Variants in NLGN1 observed in about 807,000 individuals in gnomAD.
NLGN1 encodes the protein neuroligin-1.
NLGN1 carries 12 observed loss-of-function variants against 65.5 expected under a neutral mutation model. That is an observed-to-expected ratio of 0.18 (90% CI 0.12 to 0.30). The LOEUF is 0.30. Among genes scored for constraint, NLGN1 ranks in the 10% least tolerant of loss-of-function variants. The pLI, the probability that NLGN1 is intolerant of heterozygous loss-of-function variation, is 1.00. For missense variants in NLGN1, 750 were observed against 1,007.1 expected, an observed-to-expected ratio of 0.74 and a Z score of 3.46; for synonymous variants, 350 against 359.5, an observed-to-expected ratio of 0.97 and a Z score of 0.30.
At chr3:173,662,774 A>G (rs1003533197) in intron 3 of NLGN1, among the ~76,000 whole-genome samples, 4 of 151,996 alleles carry the variant, frequency 2.6e-5, no homozygotes, top group Non-Finnish European at 5.9e-5. Flanking sequence ...TGCTACTGGT[A>G]TCTCTATTAC....
intron 3 of NLGN1, among the ~76,000 whole-genome samples, chr3:173,640,855 G>A (rs1577685180): frequency 1.3e-5 from 2 of 152,142 alleles, no homozygotes; most frequent in East Asian, 1.9e-4. Context: ...TAAACACTTT[G>A]GCAAGAATAT....
intron 4 of NLGN1, among the ~76,000 whole-genome samples, chr3:173,883,310 G>A (rs570614488): frequency 3.3e-5 from 5 of 152,310 alleles, no homozygotes; most frequent in African/African-American, 1.2e-4. Context: ...GGAATGGCCA[G>A]TCGGTGGAAC....
chr3:173,500,991 C>T (rs1176973097), intron 2 of NLGN1, among the ~76,000 whole-genome samples: 6 of 152,156 alleles, frequency 3.9e-5, no homozygotes, highest in Admixed American at 3.3e-4. Flanking sequence ...AAAATAGCTA[C>T]TGGGTTTTTA....
intron 4 of NLGN1, among the ~76,000 whole-genome samples, chr3:173,824,990 A>G (rs1721052662): frequency 6.6e-6 from 1 of 152,138 alleles, no homozygotes; most frequent in South Asian, 2.1e-4. Flanking sequence ...TGAGTATATA[A>G]AAATGATATC....
At chr3:173,532,586 C>G (rs1469612832) in intron 2 of NLGN1, among the ~76,000 whole-genome samples, 1 of 152,136 alleles carries the variant, frequency 6.6e-6, no homozygotes, top group Non-Finnish European at 1.5e-5. Context: ...TATAAATTGT[C>G]TGTTTCATCA....
At chr3:173,569,563 A>T (rs1472679480) in intron 2 of NLGN1, among the ~76,000 whole-genome samples, 1 of 150,106 alleles carries the variant, frequency 6.7e-6, no homozygotes, top group Non-Finnish European at 1.5e-5. Flanking sequence ...TTTTCTGAAA[A>T]TATCTGTTTT....
chr3:173,974,145 A>G (rs1271716113), intron 4 of NLGN1, among the ~76,000 whole-genome samples: 3 of 151,840 alleles, frequency 2.0e-5, no homozygotes, highest in Admixed American at 2.0e-4. Flanking sequence ...TAAAAGTCTC[A>G]TTGTGCATTT....
chr3:173,646,413 T>C (rs910579434), intron 3 of NLGN1, among the ~76,000 whole-genome samples: 1 of 152,232 alleles, frequency 6.6e-6, no homozygotes, highest in African/African-American at 2.4e-5. Flanking sequence ...GAATGTGCAT[T>C]GGTTATAGTC....
intron 2 of NLGN1, among the ~76,000 whole-genome samples, chr3:173,503,025 G>C (rs1731409856): frequency 6.6e-6 from 1 of 151,756 alleles, no homozygotes; most frequent in South Asian, 2.1e-4. Context: ...CTTATTCATA[G>C]TATCTTCTTT....
intron 4 of NLGN1, among the ~76,000 whole-genome samples, chr3:174,150,349 A>C (rs535541113): frequency 6.6e-6 from 1 of 152,252 alleles, no homozygotes; most frequent in African/African-American, 2.4e-5. Context: ...GGGTTTCTCA[A>C]CTTCAGCATT....
chr3:173,813,001 T>C (rs1433700573), intron 4 of NLGN1, among the ~76,000 whole-genome samples: 1 of 151,318 alleles, frequency 6.6e-6, no homozygotes, highest in Non-Finnish European at 1.5e-5. Context: ...TATTGATTTA[T>C]TAATTGATCT....
At chr3:173,730,450 C>CA (rs2150052265) in intron 3 of NLGN1, among the ~76,000 whole-genome samples, 1 of 151,592 alleles carries the variant, frequency 6.6e-6, no homozygotes, top group African/African-American at 2.4e-5. Context: ...ATTTTATTTC[C>CA]AAAATATTAT....
intron 3 of NLGN1, among the ~76,000 whole-genome samples, chr3:173,651,903 C>T (rs781382688): frequency 1.4e-4 from 21 of 152,080 alleles, no homozygotes; most frequent in Non-Finnish European, 2.9e-4. Context: ...AGCGATTCTC[C>T]TGCCTCAGCT....
At chr3:173,556,553 GC>G (rs1189017918) in intron 2 of NLGN1, among the ~76,000 whole-genome samples, 1 of 152,062 alleles carries the variant, frequency 6.6e-6, no homozygotes, top group Non-Finnish European at 1.5e-5. Flanking sequence ...AGTGACTTAT[GC>G]CTGTAATCAC....
intron 4 of NLGN1, among the ~76,000 whole-genome samples, chr3:174,216,726 G>C (rs1737686441): frequency 3.3e-5 from 5 of 152,022 alleles, no homozygotes; most frequent in Admixed American, 2.6e-4. Flanking sequence ...TAGATGTCAG[G>C]TTGTAATGCT....
At chr3:173,570,680 C>A (rs116674010) in intron 2 of NLGN1, among the ~76,000 whole-genome samples, 3,598 of 152,124 alleles carry the variant, frequency 0.024, 57 homozygotes, top group Middle Eastern at 0.048. Context: ...TTTGTTTTCG[C>A]CTGAATTATT....
At chr3:173,939,728 C>T (rs1037974750) in intron 4 of NLGN1, among the ~76,000 whole-genome samples, 3 of 152,102 alleles carry the variant, frequency 2.0e-5, no homozygotes, top group Non-Finnish European at 4.4e-5. Context: ...GAATTCAATG[C>T]TTGTTTTGCT....
intron 2 of NLGN1, among the ~76,000 whole-genome samples, chr3:173,534,965 T>A (rs2149197989): frequency 6.6e-6 from 1 of 152,348 alleles, no homozygotes; most frequent in Non-Finnish European, 1.5e-5. Context: ...GCTGTTATGT[T>A]CTTTGCAAAC....
At position 174,062,822 on chromosome 3, in the gene NLGN1, A is replaced by T. The variant is rs549456151; in HGVS notation, c.647-212493A>T. ...CTATTAAAATGTACATACTCAGAAT[A>T]CTATCATTATTAATTTAACAGTGAT... On this transcript the variant is annotated intron_variant, in intron 4 of 6. Coordinates refer to ENST00000457714, the Ensembl canonical transcript of NLGN1. Among the ~76,000 whole-genome samples the T allele has an allele frequency of 1.2e-4, 18 of 152,200 alleles. No individual in the cohort carries two copies. In the South Asian group the frequency reaches 3.1e-3, roughly 26 times the overall value.
Sources: allele counts gnomAD v4.1 joint callset (sites outside exome capture counted in the v4.1 genomes callset), GRCh38; gene constraint gnomAD v4.1.1; transcripts MANE v1.5; gene names NCBI Gene and HGNC (gene_info 2026-07-23, HGNC 2026-07-21).